Variants in BRDT observed in about 807,000 individuals in gnomAD.
BRDT encodes bromodomain testis-specific protein.
Under a neutral mutation model 113.9 loss-of-function variants are expected in BRDT, and 77 were observed. The observed-to-expected ratio is 0.68, with a 90% CI of 0.56 to 0.82. The LOEUF (loss-of-function observed/expected upper bound fraction) is 0.82. Ranked by LOEUF, BRDT falls within the 40% of genes least tolerant of loss-of-function variation. The pLI is 0.00. For missense variants in BRDT, 1,027 were observed against 1,105.4 expected (o/e 0.93, Z 1.01); for synonymous variants, 358 against 366.5 (o/e 0.98, Z 0.26).
rs777960874 is a variant in BRDT at position 91,978,175 on chromosome 1, T to C, written c.977T>C (p.Met326Thr). 1 of 1,611,400 alleles carries C rather than the reference T, an allele frequency of 6.2e-7. No homozygotes were observed. The highest frequency in any genetic ancestry group is 1.3e-5 in the African/African-American group (1 of 74,816). The change falls in exon 7 of 19, where the codon ATG becomes ACG. Residue 326 changes from methionine (M) to threonine (T), a missense_variant. Physicochemically the swap from Met to Thr is moderately conservative, Grantham distance 81. Coordinates refer to ENST00000399546, the MANE Select transcript of BRDT (RefSeq NM_207189.4). ...PMDLGTIKEK[M>T]DNQEYKDAYK... ...AGTTTTTCTTTAATTTAGGAGAAAATGGATAACCAAGAATATAAGGATGCA... is the reference window on the plus strand; with the variant it reads ...AGTTTTTCTTTAATTTAGGAGAAAACGGATAACCAAGAATATAAGGATGCA...
intron 15 of BRDT, among the ~76,000 whole-genome samples, chr1:91,998,078 T>TG (rs1389617654): frequency 1.3e-5 from 2 of 152,210 alleles, no homozygotes; most frequent in Admixed American, 6.5e-5. Context: ...TGGACAATGT[T>TG]GAATTTTTTT....
intron 12 of BRDT, among the ~76,000 whole-genome samples, chr1:91,987,481 A>G (rs1009358213): frequency 6.6e-6 from 1 of 151,418 alleles, no homozygotes; most frequent in Non-Finnish European, 1.5e-5. Context: ...CTACAGGTGC[A>G]CACCACCATC....
chr1:91,988,694 C>A (rs1685494996), intron 12 of BRDT, among the ~76,000 whole-genome samples: 1 of 152,106 alleles, frequency 6.6e-6, no homozygotes. Context: ...AGCTACCACG[C>A]CCGGCCTTGT....
intron 1 of BRDT, among the ~76,000 whole-genome samples, chr1:91,951,203 G>C (rs1681038849): frequency 6.6e-6 from 1 of 152,192 alleles, no homozygotes; most frequent in South Asian, 2.1e-4. Flanking sequence ...AATTGGTGAA[G>C]TAGCAAGAGA....
intron 16 of BRDT, 128 bp from the exon 17 acceptor site, chr1:92,004,286 T>C: frequency 3.4e-6 from 2 of 584,932 alleles, no homozygotes; most frequent in Non-Finnish European, 5.9e-6. Flanking sequence ...CCTTTTACTT[T>C]AGTAAAAGTA....
chr1:92,006,272 C>A (rs1687289615), intron 18 of BRDT, among the ~76,000 whole-genome samples: 1 of 152,154 alleles, frequency 6.6e-6, no homozygotes, highest in South Asian at 2.1e-4. Context: ...ATCTTTACTT[C>A]TGGTAAGAAT....
intron 12 of BRDT, among the ~76,000 whole-genome samples, chr1:91,985,361 T>G (rs1264711886): frequency 5.3e-5 from 8 of 151,702 alleles, no homozygotes; most frequent in African/African-American, 1.9e-4. Context: ...CGCCTGGCAA[T>G]TTTTTGTATT....
intron 18 of BRDT, among the ~76,000 whole-genome samples, chr1:92,006,935 G>A (rs1162445420): frequency 7.2e-5 from 11 of 151,728 alleles, no homozygotes; most frequent in Non-Finnish European, 4.4e-5. Context: ...TTACAGGCCC[G>A]TGCCACCACA....
intron 15 of BRDT, among the ~76,000 whole-genome samples, chr1:91,996,878 A>C (rs922882797): frequency 3.3e-5 from 5 of 152,214 alleles, no homozygotes; most frequent in African/African-American, 1.2e-4. Flanking sequence ...AGGTTTCTAG[A>C]ACTAACAGGG....
At chr1:92,013,075 G>A (rs940010222) in intron 18 of BRDT, among the ~76,000 whole-genome samples, 17 of 151,636 alleles carry the variant, frequency 1.1e-4, no homozygotes, top group African/African-American at 4.1e-4. Flanking sequence ...AAAATTACCT[G>A]GGCATGGCGG....
intron 12 of BRDT, among the ~76,000 whole-genome samples, chr1:91,983,233 A>G (rs1684875879): frequency 1.3e-5 from 2 of 150,806 alleles, no homozygotes; most frequent in South Asian, 2.1e-4. Context: ...CTAACATTCT[A>G]TCAGAATAAC....
rs1217191564 is a variant in BRDT at position 91,977,169 on chromosome 1, A to T, written c.745A>T (p.Met249Leu). Residue 249 changes from methionine to leucine, a missense_variant, in exon 6 of 19, where the codon ATG becomes TTG. Transcript: ENST00000399546. Reference protein sequence around the residue: ...SVALPPIKENMPKNVLPDSQQ... With the variant: ...SVALPPIKENLPKNVLPDSQQ... ...GGCACTGCCACCTATAAAAGAAAATATGCCAAAGAATGTTTTGCCAGATTC... is the reference window on the plus strand; with the variant it reads ...GGCACTGCCACCTATAAAAGAAAATTTGCCAAAGAATGTTTTGCCAGATTC... 9 of 1,613,972 alleles carry T rather than the reference A, an allele frequency of 5.6e-6. No individual in the cohort carries two copies. Among genetic ancestry groups the T allele is most frequent in the Non-Finnish European group, 7.6e-6 (9 of 1,179,996 alleles).
In BRDT at chr1:91,978,270, G is replaced by A; in HGVS notation, c.1072G>A (p.Val358Ile). The A allele has an allele frequency of 6.2e-7, 1 of 1,614,118 alleles. No individual in the cohort carries two copies. Among genetic ancestry groups the A allele is most frequent in the South Asian group, 1.1e-5 (1 of 91,060 alleles). Residue 358 changes from valine (V) to isoleucine (I), a missense_variant, in exon 7 of 19, where the codon GTT becomes ATT. Val to Ile is a conservative substitution (Grantham distance 29). Coordinates refer to ENST00000399546, the MANE Select transcript of BRDT (RefSeq NM_207189.4). Reference sequence around the variant, plus strand: ...CAAGTACAATCCTCCAGATCACGAAGTTGTGACAATGGCAAGAATGCTTCA... The same window carrying A: ...CAAGTACAATCCTCCAGATCACGAAATTGTGACAATGGCAAGAATGCTTCA... ...CYKYNPPDHE[V>I]VTMARMLQDV... is the part of the protein sequence containing the mutation.
rs532556311 is a variant in BRDT at position 91,998,151 on chromosome 1, A to C, written c.2287+3897A>C. On this transcript the variant is annotated intron_variant, in intron 15 of 18. Coordinates refer to ENST00000399546, the MANE Select transcript of BRDT (RefSeq NM_207189.4). ...TTATAGTTTACCCTTTCCCCTTCTC[A>C]TAAAAACTTCACTAAATTGCCGCCA... 3.3e-5 allele frequency among the ~76,000 whole-genome samples: 5 copies of C among 152,210 alleles called. No individual in the cohort carries two copies. In the East Asian group the frequency reaches 5.8e-4, roughly 18 times the overall value.
At position 91,956,729 on chromosome 1, in the gene BRDT, G is replaced by A. The variant is rs192398211; in HGVS notation, c.-37-5989G>A. On this transcript the variant is annotated intron_variant, in intron 1 of 18. Coordinates refer to ENST00000399546, the MANE Select transcript of BRDT (RefSeq NM_207189.4). ...GAGGTGAGAGGATGACTTGAAGCCA[G>A]GAATTTGAGACCAGTCTGGGAAACA... is the stretch of plus-strand genomic sequence containing the variant. Among the ~76,000 whole-genome samples, 415 of 152,210 alleles carry A rather than the reference G, an allele frequency of 2.7e-3. 3 individuals are homozygous for A. Among genetic ancestry groups the A allele is most frequent in the Non-Finnish European group, 2.7e-3 (184 of 68,010 alleles).
Position 91,994,254 on chromosome 1 carries a change from G to A in BRDT, c.2287G>A (p.Gly763Ser). 1 of 1,598,366 alleles carries A rather than the reference G, an allele frequency of 6.3e-7. No individual in the cohort carries two copies. The highest frequency in any genetic ancestry group is 1.1e-5 in the South Asian group (1 of 88,420). Residue 763 changes from glycine to serine, a missense_variant and splice_region_variant, in exon 15 of 19, where the codon GGT (glycine) becomes AGT (serine). Coordinates refer to ENST00000399546, the MANE Select transcript of BRDT (RefSeq NM_207189.4). ...ISPLQILPPS[G>S]DSEQLSNGIT... Reference sequence around the variant, plus strand: ...ACCTTTACAAATTCTGCCTCCCTCAGGTAAGAAATTAACAAGTAAACAACT... The same window carrying A: ...ACCTTTACAAATTCTGCCTCCCTCAAGTAAGAAATTAACAAGTAAACAACT...
chr1:92,000,228 C>T (rs1686714988), intron 15 of BRDT, among the ~76,000 whole-genome samples: 4 of 152,204 alleles, frequency 2.6e-5, no homozygotes, highest in Admixed American at 2.6e-4. Flanking sequence ...ATGGCACTAT[C>T]ACCACTTACC....
intron 4 of BRDT, 107 bp from the exon 5 acceptor site, chr1:91,976,159 G>C: frequency 9.2e-7 from 1 of 1,085,808 alleles, no homozygotes; most frequent in Non-Finnish European, 1.2e-6. Flanking sequence ...AGTATCCTAT[G>C]CTTATATTGC....
At chr1:91,977,837 T>C (rs1407751543) in intron 6 of BRDT, among the ~76,000 whole-genome samples, 1 of 151,898 alleles carries the variant, frequency 6.6e-6, no homozygotes, top group East Asian at 1.9e-4. Context: ...TCCACTGCAC[T>C]CCAGGCTGGG....
Sources: gnomAD v4.1 joint callset for allele counts (sites outside exome capture counted in the v4.1 genomes callset) on GRCh38, gnomAD v4.1.1 for gene constraint, MANE v1.5 for transcripts, NCBI Gene and HGNC (gene_info 2026-07-23, HGNC 2026-07-21) for gene names.